The following QTMAN variants were observed in gnomAD, a reference collection of about 807,000 sequenced individuals.
The protein encoded by QTMAN is queuosine-tRNA mannosyltransferase.
chr2:144,067,457 G>A, the QTMAN span, among the ~76,000 whole-genome samples: 1 of 152,204 alleles, frequency 6.6e-6, no homozygotes, highest in East Asian at 1.9e-4. Flanking sequence ...ATTTAGCGAG[G>A]ACAATAAGAA....
chr2:144,139,621 A>G, the QTMAN span, among the ~76,000 whole-genome samples: 10 of 152,074 alleles, frequency 6.6e-5, no homozygotes, highest in Non-Finnish European at 7.4e-5. Context: ...AATGTTTTCA[A>G]GAGAATACAC....
At chr2:144,197,703 C>A in the QTMAN span, among the ~76,000 whole-genome samples, 2 of 152,198 alleles carry the variant, frequency 1.3e-5, no homozygotes, top group Non-Finnish European at 2.9e-5. Context: ...ATCCATATTG[C>A]TAGTTCCTTT....
chr2:143,991,489 C>T, the QTMAN span, among the ~76,000 whole-genome samples: 2 of 145,268 alleles, frequency 1.4e-5, no homozygotes, highest in South Asian at 2.2e-4. Flanking sequence ...AGGGGCGCCT[C>T]TGCCCGGCCA....
At chr2:144,309,685 A>G in the QTMAN span, among the ~76,000 whole-genome samples, 1 of 152,246 alleles carries the variant, frequency 6.6e-6, no homozygotes, top group Admixed American at 6.5e-5. Context: ...TAGTAGTTAC[A>G]TCAATGTGTA....
chr2:144,096,772 T>C, the QTMAN span, among the ~76,000 whole-genome samples: 1 of 152,228 alleles, frequency 6.6e-6, no homozygotes, highest in Non-Finnish European at 1.5e-5. Context: ...AATACACAAA[T>C]GTCAGAGAGT....
the QTMAN span, among the ~76,000 whole-genome samples, chr2:144,101,507 T>A: frequency 1.3e-5 from 2 of 152,176 alleles, no homozygotes; most frequent in African/African-American, 4.8e-5. Context: ...CATGTTAGGA[T>A]TCTTTACTTG....
chr2:144,247,066 T>A, the QTMAN span, among the ~76,000 whole-genome samples: 2 of 152,156 alleles, frequency 1.3e-5, no homozygotes, highest in East Asian at 3.9e-4. Flanking sequence ...ACAGGAAACA[T>A]AAACAAAAAT....
chr2:144,324,826 T>C, the QTMAN span, among the ~76,000 whole-genome samples: 1 of 151,520 alleles, frequency 6.6e-6, no homozygotes, highest in Non-Finnish European at 1.5e-5. Context: ...TACACATCTC[T>C]GTGGCTGAGA....
At chr2:144,049,299 AT>A in the QTMAN span, among the ~76,000 whole-genome samples, 16 of 152,180 alleles carry the variant, frequency 1.1e-4, 1 homozygote, top group Admixed American at 8.5e-4. Context: ...ATCTAACTCC[AT>A]GTGAAGTAGC....
At chr2:144,150,232 G>A in the QTMAN span, among the ~76,000 whole-genome samples, 5 of 151,984 alleles carry the variant, frequency 3.3e-5, no homozygotes, top group Admixed American at 2.6e-4. Flanking sequence ...TTCTAGCTGT[G>A]TCACTTTGCT....
chr2:143,991,826 G>A, the QTMAN span, among the ~76,000 whole-genome samples: 4 of 149,584 alleles, frequency 2.7e-5, no homozygotes, highest in Non-Finnish European at 5.9e-5. Flanking sequence ...CGTCCGGGAG[G>A]TGAGGGGCAC....
chr2:144,115,084 A>G, the QTMAN span, among the ~76,000 whole-genome samples: 3 of 152,058 alleles, frequency 2.0e-5, no homozygotes, highest in African/African-American at 7.2e-5. Context: ...CAAAAAAATT[A>G]GCCAGCTGTG....
chr2:144,000,239 C>A, the QTMAN span, among the ~76,000 whole-genome samples: 9 of 152,010 alleles, frequency 5.9e-5, no homozygotes, highest in Admixed American at 2.6e-4. Context: ...AGTCATATAG[C>A]ACATGGTAAT....
At chr2:144,252,580 G>GA in the QTMAN span, among the ~76,000 whole-genome samples, 1 of 152,038 alleles carries the variant, frequency 6.6e-6, no homozygotes, top group African/African-American at 2.4e-5. Flanking sequence ...AATAACAACT[G>GA]ACAACACCAA....
At chr2:144,294,896 T>C in the QTMAN span, among the ~76,000 whole-genome samples, 2 of 152,120 alleles carry the variant, frequency 1.3e-5, no homozygotes, top group South Asian at 4.1e-4. Context: ...ACTCAAGCAG[T>C]TGGATAATCA....
the QTMAN span, among the ~76,000 whole-genome samples, chr2:144,217,717 A>G: frequency 6.6e-6 from 1 of 152,126 alleles, no homozygotes; most frequent in Non-Finnish European, 1.5e-5. Context: ...TTTTGATAGA[A>G]TAATAGGTCT....
chr2:144,293,451 T>TG, the QTMAN span, among the ~76,000 whole-genome samples: 2 of 152,212 alleles, frequency 1.3e-5, no homozygotes, highest in Non-Finnish European at 2.9e-5. Context: ...AGATATTATA[T>TG]GGGTCTCAAA....
At chr2:144,255,737 G>A in the QTMAN span, among the ~76,000 whole-genome samples, 1 of 152,196 alleles carries the variant, frequency 6.6e-6, no homozygotes, top group Non-Finnish European at 1.5e-5. Flanking sequence ...AGGATTTTTA[G>A]GGCATTAAAA....
chr2:144,007,192 G>A, the QTMAN span: 1 of 1,584,100 alleles, frequency 6.3e-7, no homozygotes, highest in African/African-American at 1.3e-5. Flanking sequence ...CACCTGTGAG[G>A]CCAGACAATG....
Sources: allele counts gnomAD v4.1 joint callset (sites outside exome capture counted in the v4.1 genomes callset), GRCh38; gene constraint gnomAD v4.1.1; transcripts MANE v1.5; gene names NCBI Gene and HGNC (gene_info 2026-07-23, HGNC 2026-07-21).